RBM19: variants seen among roughly 807,000 people sequenced by gnomAD.
RBM19 encodes the protein probable RNA-binding protein 19.
RBM19 carries 94 observed loss-of-function variants against 116.8 expected under a neutral mutation model. The observed-to-expected ratio is 0.80, with a 90% CI of 0.68 to 0.95. The LOEUF is 0.95. Ranked by LOEUF, RBM19 falls within the 40% of genes least tolerant of loss-of-function variation. The pLI is 0.00. For missense variants in RBM19, 1,161 were observed against 1,220.7 expected (o/e 0.95, Z 0.73); for synonymous variants, 475 against 494.1 (o/e 0.96, Z 0.51).
intron 21 of RBM19, among the ~76,000 whole-genome samples, chr12:113,876,550 G>A (rs1035867819): frequency 6.6e-6 from 1 of 152,164 alleles, no homozygotes; most frequent in Non-Finnish European, 1.5e-5. Context: ...CAGCACTTTG[G>A]GAGGCTGAGG....
chr12:113,939,530 A>T (rs1002089354), intron 15 of RBM19, among the ~76,000 whole-genome samples: 4 of 121,940 alleles, frequency 3.3e-5, no homozygotes, highest in East Asian at 2.5e-4. Context: ...CGGGCGGATC[A>T]CGAGGTCAGG....
At chr12:113,943,660 C>A (rs1277136199) in intron 13 of RBM19, among the ~76,000 whole-genome samples, 1 of 151,966 alleles carries the variant, frequency 6.6e-6, no homozygotes, top group African/African-American at 2.4e-5. Flanking sequence ...CTCATCTCTA[C>A]TAAAAATACA....
chr12:113,920,568 G>A, intron 19 of RBM19, 43 bp downstream of exon 19: 1 of 1,557,124 alleles, frequency 6.4e-7, no homozygotes, highest in Non-Finnish European at 8.9e-7. Flanking sequence ...CCCACTACCT[G>A]CCAAGTGCCT....
chr12:113,940,341 G>T (rs1870459563), intron 14 of RBM19, among the ~76,000 whole-genome samples, 181 bp from the exon 15 acceptor site: 1 of 152,246 alleles, frequency 6.6e-6, no homozygotes, highest in Non-Finnish European at 1.5e-5. Flanking sequence ...CTGCAAGGCT[G>T]CAAGGCAGCT....
intron 21 of RBM19, among the ~76,000 whole-genome samples, chr12:113,886,013 C>A (rs1404623244): frequency 6.6e-6 from 1 of 151,858 alleles, no homozygotes; most frequent in Non-Finnish European, 1.5e-5. Flanking sequence ...GGACTACAGG[C>A]TCCCCGCCAC....
chr12:113,926,964 G>A, intron 17 of RBM19, 90 bp downstream of exon 17: 1 of 1,413,666 alleles, frequency 7.1e-7, no homozygotes. Context: ...CACGCATCAT[G>A]TTTCAGGGCA....
intron 21 of RBM19, among the ~76,000 whole-genome samples, chr12:113,877,484 C>A (rs1194210469): frequency 6.6e-6 from 1 of 152,154 alleles, no homozygotes; most frequent in East Asian, 1.9e-4. Context: ...CATGGTGAAA[C>A]CTGGGGGCCT....
chr12:113,862,436 C>G (rs11835792), intron 21 of RBM19, among the ~76,000 whole-genome samples: 1 of 150,904 alleles, frequency 6.6e-6, no homozygotes, highest in African/African-American at 2.4e-5. Flanking sequence ...AGAGAGCTAT[C>G]GAAAGAGAAT....
intron 16 of RBM19, among the ~76,000 whole-genome samples, chr12:113,936,259 G>A (rs12307975): frequency 0.16 from 24,274 of 152,114 alleles, 2,578 homozygotes; most frequent in African/African-American, 0.3. Context: ...AAGGAAAATC[G>A]TAACATCTGG....
chr12:113,913,854 C>G (rs1882607135), intron 21 of RBM19, among the ~76,000 whole-genome samples: 2 of 152,232 alleles, frequency 1.3e-5, no homozygotes, highest in Non-Finnish European at 2.9e-5. Context: ...CCGAGCAGTC[C>G]TGGATCCCAC....
rs77702638 is a variant in RBM19, at chr12:113,922,481, G to A, written c.2306-1791C>T. On this transcript the variant is annotated intron_variant, in intron 18 of 23. Coordinates refer to ENST00000261741, the MANE Select transcript of RBM19 (RefSeq NM_016196.4). Reference sequence around the variant, plus strand: ...CCACTTCTAAAACATGCTGAAGAGTGCTCCCCAGGAGTACAAGGCTGGCCC... The same window carrying A: ...CCACTTCTAAAACATGCTGAAGAGTACTCCCCAGGAGTACAAGGCTGGCCC... 8.0e-4 allele frequency among the ~76,000 whole-genome samples: 122 copies of A among 152,282 alleles called. 1 individual carries two copies. In the East Asian group the frequency reaches 0.021, roughly 26 times the overall value.
chr12:113,882,126 G>A (rs984627346), intron 21 of RBM19, among the ~76,000 whole-genome samples: 1 of 152,236 alleles, frequency 6.6e-6, no homozygotes, highest in Non-Finnish European at 1.5e-5. Flanking sequence ...GGGGAGAAGG[G>A]CTCTGGCAGC....
intron 22 of RBM19, among the ~76,000 whole-genome samples, chr12:113,847,423 G>A (rs1277900042): frequency 6.6e-6 from 1 of 152,038 alleles, no homozygotes; most frequent in African/African-American, 2.4e-5. Flanking sequence ...ATATAAAAAT[G>A]CATCTGGACT....
At chr12:113,926,001 C>A (rs992761434) in intron 17 of RBM19, among the ~76,000 whole-genome samples, 3 of 152,152 alleles carry the variant, frequency 2.0e-5, no homozygotes, top group Non-Finnish European at 4.4e-5. Flanking sequence ...GGGTGGGTTT[C>A]CAATTGCTGA....
chr12:113,842,615 C>G (rs1049060194), intron 23 of RBM19, among the ~76,000 whole-genome samples: 1 of 152,196 alleles, frequency 6.6e-6, no homozygotes, highest in Admixed American at 6.5e-5. Context: ...CGACACAGCC[C>G]CCATGTGGGG....
At chr12:113,909,579 C>T (rs771558728) in intron 21 of RBM19, among the ~76,000 whole-genome samples, 1 of 152,092 alleles carries the variant, frequency 6.6e-6, no homozygotes, top group African/African-American at 2.4e-5. Context: ...AGGGAGGGAG[C>T]GGTGAAGGAA....
intron 21 of RBM19, among the ~76,000 whole-genome samples, chr12:113,911,563 C>T (rs190969113): frequency 1.3e-5 from 2 of 152,270 alleles, no homozygotes; most frequent in African/African-American, 4.8e-5. Context: ...TTATTAACTA[C>T]CTGTTACTCT....
At chr12:113,958,525 G>A (rs144335263) in intron 5 of RBM19, among the ~76,000 whole-genome samples, 92 of 152,138 alleles carry the variant, frequency 6.0e-4, no homozygotes, top group African/African-American at 1.9e-3. Context: ...GTGTCTCTGC[G>A]ATGCTGTTCC....
intron 15 of RBM19, 28 bp from the exon 16 acceptor site, chr12:113,937,164 G>A (rs771544239): frequency 1.9e-6 from 3 of 1,612,926 alleles, no homozygotes; most frequent in Non-Finnish European, 2.5e-6. Flanking sequence ...ATGGCCCTGT[G>A]GGTCTTCATT....
Sources: allele counts gnomAD v4.1 joint callset (sites outside exome capture counted in the v4.1 genomes callset), GRCh38; gene constraint gnomAD v4.1.1; transcripts MANE v1.5; gene names NCBI Gene and HGNC (gene_info 2026-07-23, HGNC 2026-07-21).